Variants in GNPTAB observed in about 807,000 individuals in gnomAD.
The protein encoded by GNPTAB is N-acetylglucosamine-1-phosphotransferase subunits alpha/beta.
GNPTAB carries 92 observed loss-of-function variants against 136.6 expected under a neutral mutation model. The ratio of observed to expected loss-of-function variants is 0.67; its 90% CI spans 0.57 to 0.80. The LOEUF (loss-of-function observed/expected upper bound fraction) is 0.80. GNPTAB is among the 30% of genes least tolerant of loss of function. The probability of loss-of-function intolerance (pLI) is 0.00; values close to 1 mark genes in which losing one functional copy is unlikely to be tolerated. For missense variants in GNPTAB, 1,343 were observed against 1,501.8 expected (o/e 0.89, Z 1.75); for synonymous variants, 512 against 535.1 (o/e 0.96, Z 0.60).
chr12:101,800,616 A>G, intron 1 of GNPTAB, among the ~76,000 whole-genome samples: 1 of 149,778 alleles, frequency 6.7e-6, no homozygotes, highest in Non-Finnish European at 1.5e-5. Context: ...AAAAAAAAAA[A>G]AAAAAAAAAA....
At chr12:101,776,170 A>C (rs908720922) in intron 7 of GNPTAB, among the ~76,000 whole-genome samples, 2 of 152,228 alleles carry the variant, frequency 1.3e-5, no homozygotes, top group African/African-American at 2.4e-5. Context: ...AATTCACTTG[A>C]CAGCTTTGGG....
chr12:101,777,157 T>C (rs930307456), intron 7 of GNPTAB, among the ~76,000 whole-genome samples: 1 of 152,234 alleles, frequency 6.6e-6, no homozygotes, highest in Non-Finnish European at 1.5e-5. Context: ...CACCAAGTGA[T>C]GTTGAGTGTT....
chr12:101,780,981 T>C (rs1566083227), intron 5 of GNPTAB, among the ~76,000 whole-genome samples: 3 of 152,022 alleles, frequency 2.0e-5, no homozygotes, highest in Admixed American at 1.3e-4. Context: ...AGTAAAATAT[T>C]TGGGAGTGGT....
intron 1 of GNPTAB, among the ~76,000 whole-genome samples, chr12:101,828,441 T>C (rs1045950417): frequency 2.5e-4 from 38 of 152,294 alleles, no homozygotes; most frequent in African/African-American, 8.7e-4. Flanking sequence ...AAGCGAATCA[T>C]GAGGTCAGGA....
At chr12:101,787,661 T>A (rs762705854) in intron 4 of GNPTAB, among the ~76,000 whole-genome samples, 1 of 152,076 alleles carries the variant, frequency 6.6e-6, no homozygotes, top group Non-Finnish European at 1.5e-5. Flanking sequence ...ACGCCTGTAA[T>A]CCAGTACTTT....
intron 1 of GNPTAB, among the ~76,000 whole-genome samples, chr12:101,804,481 C>A (rs1224951791): frequency 6.6e-6 from 1 of 152,178 alleles, no homozygotes; most frequent in Non-Finnish European, 1.5e-5. Flanking sequence ...AACTTTGAAT[C>A]CAGTGCCCTA....
chr12:101,757,542 A>G, intron 17 of GNPTAB, 30 bp downstream of exon 17: 1 of 1,060,570 alleles, frequency 9.4e-7, no homozygotes, highest in Non-Finnish European at 1.5e-6. Flanking sequence ...CTCTTATACT[A>G]AACAAAGGGA....
intron 2 of GNPTAB, among the ~76,000 whole-genome samples, chr12:101,792,165 G>T (rs1869032879): frequency 6.6e-6 from 1 of 152,158 alleles, no homozygotes; most frequent in Admixed American, 6.5e-5. Flanking sequence ...GCAAAGATAT[G>T]AAGGAAGTGA....
intron 5 of GNPTAB, 165 bp downstream of exon 5, chr12:101,785,847 G>T (rs1868611573): frequency 6.5e-6 from 4 of 619,848 alleles, no homozygotes; most frequent in African/African-American, 3.7e-5. Flanking sequence ...ATCCCTTTTT[G>T]AGGTTAAGGC....
chr12:101,768,164 C>G lies in GNPTAB; in HGVS notation c.1285-4G>C. Reference sequence around the variant, plus strand: ...GCACAGGCCATGTCAAATAAACCTACGATAAAACCAAAGAGAAAATAAAAT... The same window carrying G: ...GCACAGGCCATGTCAAATAAACCTAGGATAAAACCAAAGAGAAAATAAAAT... On this transcript the variant is annotated splice_region_variant and splice_polypyrimidine_tract_variant and intron_variant, in intron 10 of 20. Transcript: ENST00000299314. 6.2e-7 allele frequency: 1 copy of G among 1,613,962 alleles called. No individual in the cohort carries two copies. The highest frequency in any genetic ancestry group is 1.3e-5 in the African/African-American group (1 of 75,010).
chr12:101,794,954 G>A (rs554721738), intron 2 of GNPTAB, among the ~76,000 whole-genome samples: 4 of 152,152 alleles, frequency 2.6e-5, no homozygotes, highest in African/African-American at 7.2e-5. Flanking sequence ...TTTTAAAAAC[G>A]TTTGAAGCTT....
In GNPTAB at chr12:101,764,543, C is replaced by G. The variant is rs1181226202; in HGVS notation, c.2374G>C (p.Ala792Pro). ...SERLQRLTFP[A>P]VSVKVNGHDQ... ...TGACCATTCACTTTTACACTCACTGCAGGAAAAGTCAACCTCTGCAATCTT... is the reference window on the plus strand; with the variant it reads ...TGACCATTCACTTTTACACTCACTGGAGGAAAAGTCAACCTCTGCAATCTT... Residue 792 changes from alanine to proline, a missense_variant, in exon 13 of 21, where the codon GCA becomes CCA. Physicochemically the swap from Ala to Pro is conservative, Grantham distance 27. Coordinates refer to ENST00000299314, the MANE Select transcript of GNPTAB (RefSeq NM_024312.5). 1.9e-6 allele frequency: 3 copies of G among 1,613,160 alleles called. No individual in the cohort carries two copies. The highest frequency in any genetic ancestry group is 2.5e-6 in the Non-Finnish European group (3 of 1,179,724).
intron 7 of GNPTAB, among the ~76,000 whole-genome samples, chr12:101,777,740 A>C (rs1325827413): frequency 1.3e-5 from 2 of 152,192 alleles, no homozygotes; most frequent in African/African-American, 4.8e-5. Flanking sequence ...TTCTCAGAGT[A>C]CTCATAATGT....
intron 1 of GNPTAB, among the ~76,000 whole-genome samples, chr12:101,827,385 G>A (rs1871144309): frequency 6.6e-6 from 1 of 152,062 alleles, no homozygotes; most frequent in Admixed American, 6.6e-5. Flanking sequence ...ACAGGTGTGA[G>A]CCACCACGCC....
intron 7 of GNPTAB, among the ~76,000 whole-genome samples, chr12:101,776,028 C>T (rs111444872): frequency 1.6e-4 from 25 of 152,198 alleles, no homozygotes; most frequent in African/African-American, 5.5e-4. Flanking sequence ...TTCCTGTTTC[C>T]AACTGCCAAC....
rs1460204756 is a variant in GNPTAB at position 101,761,279 on chromosome 12, A to G, written c.2983T>C (p.Phe995Leu). 6.2e-7 allele frequency: 1 copy of G among 1,614,186 alleles called. No individual in the cohort carries two copies. The highest frequency in any genetic ancestry group is 8.5e-7 in the Non-Finnish European group (1 of 1,180,024). Residue 995 changes from phenylalanine to leucine, a missense_variant, in exon 15 of 21, where the codon TTC becomes CTC. By Grantham distance (22) the Phe-to-Leu change is conservative. Coordinates refer to ENST00000299314, the MANE Select transcript of GNPTAB (RefSeq NM_024312.5). ...CTCATGAGATAATAAAAATAAGAGA[A>G]GGCAAACTGCATATCCTCAGAATGG... ...VRHSEDMQFA[F>L]SYFYYLMSAV...
chr12:101,763,801 T>G (rs996546655), intron 13 of GNPTAB, among the ~76,000 whole-genome samples: 1 of 152,230 alleles, frequency 6.6e-6, no homozygotes, highest in African/African-American at 2.4e-5. Flanking sequence ...TGGCTCACAC[T>G]GATTTGCTGT....
chr12:101,822,813 A>G (rs1370684643), intron 1 of GNPTAB, among the ~76,000 whole-genome samples: 2 of 152,196 alleles, frequency 1.3e-5, no homozygotes, highest in Non-Finnish European at 2.9e-5. Flanking sequence ...GGTGCAAGAC[A>G]ATACAAAGAG....
At chr12:101,815,085 G>A (rs899012596) in intron 1 of GNPTAB, among the ~76,000 whole-genome samples, 1 of 152,096 alleles carries the variant, frequency 6.6e-6, no homozygotes, top group Admixed American at 6.5e-5. Context: ...ATTTTTTATT[G>A]AGACAGGGTC....
Sources: allele counts gnomAD v4.1 joint callset (sites outside exome capture counted in the v4.1 genomes callset), GRCh38; gene constraint gnomAD v4.1.1; transcripts MANE v1.5; gene names NCBI Gene and HGNC (gene_info 2026-07-23, HGNC 2026-07-21).